Variants in TMEFF2 observed in about 807,000 individuals in gnomAD.
TMEFF2 encodes the protein tomoregulin-2.
In TMEFF2, 28 loss-of-function variants were observed where a neutral mutation model predicts 53.8. The observed-to-expected ratio is 0.52, with a 90% CI of 0.39 to 0.71. The LOEUF (loss-of-function observed/expected upper bound fraction) is 0.71. Ranked by LOEUF, TMEFF2 falls within the 30% of genes least tolerant of loss-of-function variation. The probability of loss-of-function intolerance (pLI) is 0.00; values close to 1 mark genes in which losing one functional copy is unlikely to be tolerated. For missense variants in TMEFF2, 353 were observed against 455.2 expected (o/e 0.78, Z 2.04); for synonymous variants, 162 against 166.3 (o/e 0.97, Z 0.20).
At chr2:192,012,233 T>G (rs1413612578) in intron 5 of TMEFF2, among the ~76,000 whole-genome samples, 1 of 152,254 alleles carries the variant, frequency 6.6e-6, no homozygotes, top group Non-Finnish European at 1.5e-5. Context: ...GTTTTCAAAA[T>G]AAATATCTTT....
intron 5 of TMEFF2, among the ~76,000 whole-genome samples, chr2:192,002,370 T>C (rs1213818863): frequency 1.2e-4 from 19 of 152,162 alleles, no homozygotes; most frequent in Admixed American, 1.2e-3. Flanking sequence ...CCATCTTTGC[T>C]CCCTACTCTA....
intron 3 of TMEFF2, among the ~76,000 whole-genome samples, chr2:192,183,887 G>GT (rs1559161882): frequency 6.6e-6 from 1 of 152,072 alleles, no homozygotes. Flanking sequence ...CTACTAAATA[G>GT]TAAGAAGACC....
chr2:192,191,745 C>T, intron 2 of TMEFF2, 135 bp downstream of exon 2: 1 of 606,376 alleles, frequency 1.6e-6, no homozygotes, highest in Non-Finnish European at 2.9e-6. Flanking sequence ...GGCTCTCTTG[C>T]TAGTACTTTT....
chr2:192,156,315 A>C (rs1690505415), intron 4 of TMEFF2, among the ~76,000 whole-genome samples: 1 of 152,066 alleles, frequency 6.6e-6, no homozygotes, highest in African/African-American at 2.4e-5. Context: ...CTACACATAC[A>C]TGAATACATT....
intron 1 of TMEFF2, among the ~76,000 whole-genome samples, chr2:192,193,761 T>TAGATAG (rs1553534664): frequency 1.9e-4 from 9 of 47,824 alleles, no homozygotes; most frequent in African/African-American, 2.8e-4. Context: ...GATAGATAGA[T>TAGATAG]AGAGAGAGAG....
chr2:192,115,259 T>C (rs966810190), intron 4 of TMEFF2, among the ~76,000 whole-genome samples: 1 of 151,858 alleles, frequency 6.6e-6, no homozygotes, highest in African/African-American at 2.4e-5. Context: ...TAGAACAGAA[T>C]AGAAAGCCAA....
rs561606314 is a variant in TMEFF2 at position 192,184,049 on chromosome 2, C to A, written c.412+305G>T. Among the ~76,000 whole-genome samples the A allele has an allele frequency of 3.3e-5, 5 of 152,152 alleles. No homozygotes were observed. In the East Asian group the frequency reaches 7.7e-4, roughly 24 times the overall value. On this transcript the variant is annotated intron_variant, in intron 3 of 9. Coordinates refer to ENST00000272771, the MANE Select transcript of TMEFF2 (RefSeq NM_016192.4). ...TAGTCAGGTTTCTCCATATTTGGCA[C>A]GTTGGCAGTCTATCTAGATTTCTAA... is the stretch of plus-strand genomic sequence containing the variant.
chr2:192,001,320 C>T (rs1686352885), intron 5 of TMEFF2, among the ~76,000 whole-genome samples: 3 of 151,508 alleles, frequency 2.0e-5, no homozygotes, highest in Non-Finnish European at 2.9e-5. Context: ...CAAATTAAGT[C>T]CAAAGAAATT....
At chr2:192,168,119 A>C (rs566683990) in intron 4 of TMEFF2, among the ~76,000 whole-genome samples, 1 of 152,220 alleles carries the variant, frequency 6.6e-6, no homozygotes, top group East Asian at 1.9e-4. Context: ...TTTTCTCTCC[A>C]TATATCTTTG....
In TMEFF2 at chr2:191,977,208, G is replaced by A. The variant is rs111423726; in HGVS notation, c.746-20830C>T. Among the ~76,000 whole-genome samples, 197 of 152,302 alleles carry A rather than the reference G, an allele frequency of 1.3e-3. 1 individual carries two copies. The highest frequency in any genetic ancestry group is 4.2e-3 in the African/African-American group (176 of 41,576). On this transcript the variant is annotated intron_variant, in intron 7 of 9. Transcript: ENST00000272771. ...ACCAATAGACACAAAAAACTTAGAC[G>A]GGAGAGAGAGCATGGCTTGTGGGGG... is the stretch of plus-strand genomic sequence containing the variant.
At chr2:191,997,828 A>G (rs1460639832) in intron 7 of TMEFF2, among the ~76,000 whole-genome samples, 1 of 151,882 alleles carries the variant, frequency 6.6e-6, no homozygotes, top group African/African-American at 2.4e-5. Flanking sequence ...AATAAAGACA[A>G]CCTGCATTAT....
chr2:192,114,849 C>CTT (rs1447550506), intron 4 of TMEFF2, among the ~76,000 whole-genome samples: 3 of 151,836 alleles, frequency 2.0e-5, no homozygotes, highest in Non-Finnish European at 4.4e-5. Flanking sequence ...ATAAGATAAA[C>CTT]AAGTCCTGAG....
intron 5 of TMEFF2, among the ~76,000 whole-genome samples, chr2:192,041,348 C>A (rs1264254868): frequency 6.6e-6 from 1 of 151,990 alleles, no homozygotes; most frequent in Non-Finnish European, 1.5e-5. Flanking sequence ...AACAAATGTT[C>A]AATATACAAA....
chr2:192,132,098 C>T (rs565807764), intron 4 of TMEFF2, among the ~76,000 whole-genome samples: 3 of 152,014 alleles, frequency 2.0e-5, no homozygotes, highest in South Asian at 2.1e-4. Flanking sequence ...CATCTGACCT[C>T]TCCCCTCCTC....
intron 7 of TMEFF2, among the ~76,000 whole-genome samples, chr2:191,960,890 G>A (rs887450644): frequency 6.6e-6 from 1 of 152,086 alleles, no homozygotes; most frequent in Non-Finnish European, 1.5e-5. Context: ...ATTTCTCAGG[G>A]ATGTTGTAGA....
chr2:192,068,789 G>A (rs887238553), intron 4 of TMEFF2, among the ~76,000 whole-genome samples: 7 of 151,730 alleles, frequency 4.6e-5, no homozygotes, highest in Non-Finnish European at 8.8e-5. Context: ...AAAAAATCAG[G>A]CTTGTTTAAA....
chr2:191,964,384 T>TTC (rs1408141974), intron 7 of TMEFF2, among the ~76,000 whole-genome samples: 809 of 40,448 alleles, frequency 0.02, 2 homozygotes, highest in Non-Finnish European at 0.028. Context: ...CTTTCTTTCT[T>TTC]TCTTTCTTTC....
chr2:192,179,829 A>G, intron 3 of TMEFF2, 135 bp from the exon 4 acceptor site: 2 of 614,304 alleles, frequency 3.3e-6, no homozygotes, highest in Admixed American at 4.2e-5. Context: ...TAATCCAAAA[A>G]CGTACATTCA....
chr2:192,174,293 GA>G (rs1028221945), intron 4 of TMEFF2, among the ~76,000 whole-genome samples: 17 of 150,936 alleles, frequency 1.1e-4, no homozygotes, highest in South Asian at 2.1e-4. Flanking sequence ...TCTACTGGAA[GA>G]AAAAAAAAGT....
Sources: gnomAD v4.1 joint callset for allele counts (sites outside exome capture counted in the v4.1 genomes callset) on GRCh38, gnomAD v4.1.1 for gene constraint, MANE v1.5 for transcripts, NCBI Gene and HGNC (gene_info 2026-07-23, HGNC 2026-07-21) for gene names.